ESRRG: variants seen among roughly 807,000 people sequenced by gnomAD.
The protein encoded by ESRRG is estrogen-related receptor gamma.
ESRRG carries 13 observed loss-of-function variants against 44.0 expected under a neutral mutation model. The observed-to-expected ratio is 0.30, with a 90% CI of 0.19 to 0.47. The LOEUF is 0.47. ESRRG is among the 20% of genes least tolerant of loss of function. ESRRG has a pLI of 1.00. For missense variants in ESRRG, 395 were observed against 580.6 expected (o/e 0.68, Z 3.29); for synonymous variants, 215 against 214.6 (o/e 1.00, Z -0.02).
At chr1:216,584,914 T>C (rs915744221) in intron 3 of ESRRG, among the ~76,000 whole-genome samples, 1 of 152,210 alleles carries the variant, frequency 6.6e-6, no homozygotes, top group Non-Finnish European at 1.5e-5. Flanking sequence ...AGCTGTCTGC[T>C]AAATGATGGT....
At chr1:216,751,085 C>T (rs2091963052) in intron 2 of ESRRG, among the ~76,000 whole-genome samples, 2 of 152,140 alleles carry the variant, frequency 1.3e-5, no homozygotes, top group African/African-American at 4.8e-5. Flanking sequence ...ATTTATTTCT[C>T]ACCCTGGAGT....
chr1:216,526,895 T>C (rs2047832292), intron 5 of ESRRG, among the ~76,000 whole-genome samples: 1 of 152,142 alleles, frequency 6.6e-6, no homozygotes, highest in Non-Finnish European at 1.5e-5. Context: ...ACTTTGCTGG[T>C]TTCTGCTTTC....
chr1:216,967,689 C>T (rs2070751917), intron 1 of ESRRG, among the ~76,000 whole-genome samples: 3 of 152,148 alleles, frequency 2.0e-5, no homozygotes. Context: ...AATACAGCTG[C>T]TATAAGCATA....
chr1:217,122,746 C>T lies in ESRRG; in HGVS notation c.-230+14921G>A, dbSNP rs568566930. On this transcript the variant is annotated intron_variant, in intron 1 of 8. Coordinates refer to the ESRRG transcript ENST00000366940. Reference sequence around the variant, plus strand: ...AGTACAATGGCTCGATCTCAGCTCACTGCAACCTCCGCCTCCTGAGTTCAA... The same window carrying T: ...AGTACAATGGCTCGATCTCAGCTCATTGCAACCTCCGCCTCCTGAGTTCAA... Among the ~76,000 whole-genome samples the T allele has an allele frequency of 4.7e-5, 7 of 148,130 alleles. No individual in the cohort carries two copies. The South Asian group carries it at 1.3e-3, about 28-fold the overall frequency.
chr1:216,604,202 A>G (rs2059631335), intron 3 of ESRRG, among the ~76,000 whole-genome samples: 1 of 152,186 alleles, frequency 6.6e-6, no homozygotes, highest in Non-Finnish European at 1.5e-5. Context: ...CAAAAACTGA[A>G]CAGGGATTGT....
At chr1:216,581,345 T>A (rs559792756) in intron 3 of ESRRG, among the ~76,000 whole-genome samples, 1 of 152,340 alleles carries the variant, frequency 6.6e-6, no homozygotes, top group Non-Finnish European at 1.5e-5. Context: ...TGTATATACA[T>A]GCATACTTGT....
intron 2 of ESRRG, among the ~76,000 whole-genome samples, chr1:216,829,569 T>G (rs2095453094): frequency 6.6e-6 from 1 of 151,944 alleles, no homozygotes; most frequent in South Asian, 2.1e-4. Context: ...TTTTTTTCTT[T>G]TTTGAGATGG....
At chr1:216,704,987 C>T (rs186398995) in intron 1 of ESRRG, among the ~76,000 whole-genome samples, 24 of 152,254 alleles carry the variant, frequency 1.6e-4, no homozygotes, top group Non-Finnish European at 1.5e-5. Flanking sequence ...GTAAACTTAT[C>T]TTGTTAGATA....
At chr1:216,569,195 A>AAGGGAAGGGAAG (rs1573194532) in intron 3 of ESRRG, among the ~76,000 whole-genome samples, 1 of 38,366 alleles carries the variant, frequency 2.6e-5, no homozygotes, top group Non-Finnish European at 5.3e-5. Context: ...GGGAAGGGAA[A>AAGGGAAGGGAAG]GGAAAGGAAA....
At chr1:216,809,773 G>C (rs1160141952) in intron 2 of ESRRG, among the ~76,000 whole-genome samples, 2 of 152,110 alleles carry the variant, frequency 1.3e-5, no homozygotes, top group African/African-American at 4.8e-5. Context: ...AAGGGTAGAG[G>C]AGGGCTCTCT....
At chr1:216,937,403 G>A (rs979467243) in intron 2 of ESRRG, among the ~76,000 whole-genome samples, 49 of 152,306 alleles carry the variant, frequency 3.2e-4, no homozygotes, top group African/African-American at 1.1e-3. Flanking sequence ...TCATTGATTA[G>A]TTGATAAGTT....
chr1:216,885,495 G>T (rs2096502115), intron 2 of ESRRG, among the ~76,000 whole-genome samples: 1 of 151,786 alleles, frequency 6.6e-6, no homozygotes, highest in African/African-American at 2.4e-5. Flanking sequence ...ATAAATTAAG[G>T]CTCCCGGTTC....
At chr1:216,629,655 G>C (rs2063778486) in intron 3 of ESRRG, among the ~76,000 whole-genome samples, 1 of 152,184 alleles carries the variant, frequency 6.6e-6, no homozygotes, top group South Asian at 2.1e-4. Flanking sequence ...GTGGGTTCCT[G>C]AAGTGTCTTA....
chr1:216,548,803 T>C (rs1415283884), intron 5 of ESRRG, among the ~76,000 whole-genome samples: 1 of 152,114 alleles, frequency 6.6e-6, no homozygotes, highest in Non-Finnish European at 1.5e-5. Context: ...CCATCTACCC[T>C]ACTTACTTTT....
chr1:217,110,897 T>C (rs2092654524), intron 1 of ESRRG, among the ~76,000 whole-genome samples: 1 of 152,160 alleles, frequency 6.6e-6, no homozygotes, highest in Non-Finnish European at 1.5e-5. Flanking sequence ...TTTTGCTGTG[T>C]CTTTTCGGTT....
intron 1 of ESRRG, among the ~76,000 whole-genome samples, chr1:216,980,695 C>T (rs2073813297): frequency 6.6e-6 from 1 of 152,152 alleles, no homozygotes; most frequent in Non-Finnish European, 1.5e-5. Context: ...CACCCCTCCA[C>T]AATACTCATG....
At chr1:216,766,956 T>G (rs2093112441) in intron 2 of ESRRG, among the ~76,000 whole-genome samples, 2 of 152,150 alleles carry the variant, frequency 1.3e-5, no homozygotes, top group African/African-American at 4.8e-5. Context: ...GAAATTTTTC[T>G]TCCCCTACAA....
At chr1:217,113,297 A>C (rs147513611) in intron 1 of ESRRG, among the ~76,000 whole-genome samples, 33 of 152,296 alleles carry the variant, frequency 2.2e-4, no homozygotes, top group African/African-American at 7.0e-4. Flanking sequence ...TAATCAAGGA[A>C]CTGGCAACAT....
chr1:216,809,408 T>C (rs1335126438), intron 2 of ESRRG, among the ~76,000 whole-genome samples: 1 of 146,148 alleles, frequency 6.8e-6, no homozygotes, highest in African/African-American at 2.6e-5. Context: ...TTGGGGACAA[T>C]AGCTAGCTCC....
Sources: allele counts gnomAD v4.1 joint callset (sites outside exome capture counted in the v4.1 genomes callset), GRCh38; gene constraint gnomAD v4.1.1; transcripts MANE v1.5; gene names NCBI Gene and HGNC (gene_info 2026-07-23, HGNC 2026-07-21).